FBP2: variants seen among roughly 807,000 people sequenced by gnomAD.
FBP2 encodes fructose-1,6-bisphosphatase isozyme 2.
In FBP2, 27 loss-of-function variants were observed where a neutral mutation model predicts 31.6. That is an observed-to-expected ratio of 0.85 (90% CI 0.63 to 1.18). The LOEUF (loss-of-function observed/expected upper bound fraction) is 1.18. Ranked by LOEUF, FBP2 falls within the 50% of genes most tolerant of loss-of-function variation. The pLI, the probability that FBP2 is intolerant of heterozygous loss-of-function variation, is 0.00. For missense variants in FBP2, 421 were observed against 436.1 expected (o/e 0.97, Z 0.31); for synonymous variants, 168 against 179.8 (o/e 0.93, Z 0.53).
rs1036933848 is a variant in FBP2 at position 94,567,611 on chromosome 9, G to C, written c.568-204C>G. Reference sequence around the variant, plus strand: ...TATGGAGCCCACACAGGAAGCTCTAGCAGTAACACAGCAAGCAGGAAGACA... The same window carrying C: ...TATGGAGCCCACACAGGAAGCTCTACCAGTAACACAGCAAGCAGGAAGACA... On this transcript the variant is annotated intron_variant, in intron 4 of 6. Transcript: ENST00000375337. 9.2e-6 allele frequency: 5 copies of C among 544,252 alleles called. No homozygotes were observed. In the African/African-American group the frequency reaches 9.4e-5, roughly 10 times the overall value. 33.7% of individuals were successfully genotyped at this position (544,252 alleles called of 1,614,324 possible). A position where few individuals can be genotyped will look rare whatever the true frequency, so the allele number is the denominator to read the frequency against.
intron 4 of FBP2, chr9:94,569,743 T>C (rs1466554854): frequency 6.6e-6 from 1 of 152,206 alleles, no homozygotes; most frequent in Non-Finnish European, 1.5e-5. Flanking sequence ...TGCCTTGACA[T>C]TGAGCTTTAC....
At chr9:94,577,123 T>C (rs1005476880) in intron 3 of FBP2, among the ~76,000 whole-genome samples, 12 of 152,226 alleles carry the variant, frequency 7.9e-5, no homozygotes, top group Non-Finnish European at 1.2e-4. Flanking sequence ...TCTGGGGCAC[T>C]GAGGCTCTCC....
chr9:94,571,627 A>G lies in FBP2; in HGVS notation c.427-25T>C, dbSNP rs780495699. 3.8e-6 allele frequency: 6 copies of G among 1,599,300 alleles called. No individual in the cohort carries two copies. The Admixed American group carries it at 1.0e-4, about 27-fold the overall frequency. ...TCTGTGGAAGAGAGGGATAAATGCC[A>G]TGTGTTATTGTTGTCTCTGGAGAGA... On this transcript the variant is annotated intron_variant, in intron 3 of 6. Transcript: ENST00000375337.
At chr9:94,571,375 A>G in intron 4 of FBP2, 87 bp downstream of exon 4, 1 of 1,346,102 alleles carries the variant, frequency 7.4e-7, no homozygotes, top group Non-Finnish European at 1.0e-6. Context: ...ATTAGGAATA[A>G]CCAGGACATT....
At chr9:94,586,734 CCT>C (rs1827431435) in intron 2 of FBP2, 1 of 152,192 alleles carries the variant, frequency 6.6e-6, no homozygotes, top group South Asian at 2.1e-4. Flanking sequence ...CATTGGCAAA[CCT>C]CTCTGTATAA....
At position 94,565,895 on chromosome 9, in the gene FBP2, A is replaced by G. The variant is rs531810433; in HGVS notation, c.705+1375T>C. On this transcript the variant is annotated intron_variant, in intron 5 of 6. Transcript: ENST00000375337. ...GCAAGGGCCTCTGAAGGTGTAGGAT[A>G]CAATTTGCCCTTGACTAATTACACC... is the stretch of plus-strand genomic sequence containing the variant. Among the ~76,000 whole-genome samples the G allele has an allele frequency of 7.9e-5, 12 of 152,278 alleles. No homozygotes were observed. In the East Asian group the frequency reaches 1.9e-3, roughly 25 times the overall value.
At chr9:94,589,576 G>A (rs754134828) in intron 1 of FBP2, among the ~76,000 whole-genome samples, 13 of 152,204 alleles carry the variant, frequency 8.5e-5, no homozygotes, top group Admixed American at 7.9e-4. Flanking sequence ...GGCAAGAAAG[G>A]AATTTCCTTT....
chr9:94,559,162 C>T, intron 6 of FBP2, 30 bp from the exon 7 acceptor site: 1 of 1,593,182 alleles, frequency 6.3e-7, no homozygotes, highest in Non-Finnish European at 8.6e-7. Flanking sequence ...GGTGAGTAAA[C>T]TCTGCAAGTG....
intron 1 of FBP2, among the ~76,000 whole-genome samples, chr9:94,588,064 G>A (rs988641251): frequency 2.0e-5 from 3 of 151,746 alleles, no homozygotes; most frequent in African/African-American, 7.3e-5. Context: ...TGTTAGCCAG[G>A]ATGGTCTTGA....
At chr9:94,571,663 A>G in intron 3 of FBP2, 61 bp from the exon 4 acceptor site, 32 of 1,487,164 alleles carry the variant, frequency 2.2e-5, no homozygotes, top group Non-Finnish European at 2.8e-5. Context: ...ACACTTTGCC[A>G]GGGGCCTGGG....
chr9:94,562,034 G>A (rs1198239495), intron 6 of FBP2, among the ~76,000 whole-genome samples: 2 of 152,038 alleles, frequency 1.3e-5, no homozygotes, highest in South Asian at 2.1e-4. Context: ...TGTCTTCGCC[G>A]GGCGCTGTGA....
intron 3 of FBP2, among the ~76,000 whole-genome samples, chr9:94,573,542 G>A (rs1473091943): frequency 1.3e-5 from 2 of 152,130 alleles, no homozygotes; most frequent in African/African-American, 4.8e-5. Context: ...ATGAATGAGT[G>A]TTGAATTTGT....
chr9:94,591,087 G>A (rs1423566736), intron 1 of FBP2, among the ~76,000 whole-genome samples: 1 of 152,266 alleles, frequency 6.6e-6, no homozygotes, highest in African/African-American at 2.4e-5. Context: ...TTCACCTAGT[G>A]GATCCCGCAC....
chr9:94,592,969 C>G (rs1375018839), intron 1 of FBP2, among the ~76,000 whole-genome samples: 1 of 152,132 alleles, frequency 6.6e-6, no homozygotes, highest in Non-Finnish European at 1.5e-5. Context: ...CGCTCCCCTC[C>G]CAGGACTAGC....
At chr9:94,582,706 C>T (rs1382043214) in intron 3 of FBP2, among the ~76,000 whole-genome samples, 1 of 151,120 alleles carries the variant, frequency 6.6e-6, no homozygotes, top group African/African-American at 2.5e-5. Context: ...CACCACCACG[C>T]CCGGCTAATT....
chr9:94,582,353 T>TGC (rs1564185970), intron 3 of FBP2, among the ~76,000 whole-genome samples: 1 of 2,734 alleles, frequency 3.7e-4, no homozygotes, highest in African/African-American at 6.2e-4. Context: ...TGTGTGTGCG[T>TGC]GTGTGTGTGT....
intron 4 of FBP2, chr9:94,568,362 G>A (rs991419051): frequency 2.0e-5 from 3 of 152,204 alleles, no homozygotes; most frequent in Admixed American, 2.0e-4. Context: ...ACTGTGGTCA[G>A]TACCTGCAGG....
intron 1 of FBP2, among the ~76,000 whole-genome samples, chr9:94,590,302 G>C (rs567643653): frequency 6.6e-6 from 1 of 152,338 alleles, no homozygotes; most frequent in East Asian, 1.9e-4. Context: ...CCAAGGAGAG[G>C]CTCCAGGCGG....
At position 94,567,404 on chromosome 9, in the gene FBP2, G is replaced by A. The variant is rs1293258808; in HGVS notation, c.571C>T (p.Leu191Phe). Residue 191 changes from leucine to phenylalanine, a missense_variant, in exon 5 of 7, where the codon CTT (leucine) becomes TTT (phenylalanine). By Grantham distance (22) the Leu-to-Phe change is conservative. Transcript: ENST00000375337. ...TTTTCCACCAGGACAAATTCACCAA[G>A]AGCCTAGCAACATGAAGAGAGATGC... ...GVDLFMLDPA[L>F]GEFVLVEKDV... 6.2e-7 allele frequency: 1 copy of A among 1,613,952 alleles called. No homozygotes were observed. The highest frequency in any genetic ancestry group is 1.6e-4 in the Middle Eastern group (1 of 6,062).
Sources: allele counts gnomAD v4.1 joint callset (sites outside exome capture counted in the v4.1 genomes callset), GRCh38; gene constraint gnomAD v4.1.1; transcripts MANE v1.5; gene names NCBI Gene and HGNC (gene_info 2026-07-23, HGNC 2026-07-21).